CCDC91: variants seen among roughly 807,000 people sequenced by gnomAD.
CCDC91 encodes the protein coiled-coil domain-containing protein 91.
Under a neutral mutation model 63.2 loss-of-function variants are expected in CCDC91, and 48 were observed. That is an observed-to-expected ratio of 0.76 (90% CI 0.60 to 0.97). CCDC91 has a LOEUF of 0.97. Ranked by LOEUF, CCDC91 falls within the 50% of genes least tolerant of loss-of-function variation. The probability of loss-of-function intolerance (pLI) is 0.00; values close to 1 mark genes in which losing one functional copy is unlikely to be tolerated. For synonymous variants in CCDC91, 167 were observed against 165.8 expected (o/e 1.01, Z -0.06); for missense variants, 500 against 494.6 (o/e 1.01, Z -0.10).
intron 12 of CCDC91, among the ~76,000 whole-genome samples, chr12:28,507,758 A>G (rs1938912156): frequency 1.3e-5 from 2 of 152,090 alleles, no homozygotes; most frequent in South Asian, 2.1e-4. Context: ...CTTAGGTCAG[A>G]TGCCTTCAAA....
chr12:28,222,426 C>T (rs1944008928), intron 1 of CCDC91, among the ~76,000 whole-genome samples: 1 of 152,124 alleles, frequency 6.6e-6, no homozygotes, highest in South Asian at 2.1e-4. Flanking sequence ...TAAATCTTGT[C>T]ACCCTGTCTA....
At chr12:28,336,450 AGT>A (rs79266090) in intron 6 of CCDC91, among the ~76,000 whole-genome samples, 30,696 of 152,128 alleles carry the variant, frequency 0.2, 4,043 homozygotes, top group Non-Finnish European at 0.3. Flanking sequence ...CAATGGTTCC[AGT>A]GTTGTGATTT....
intron 1 of CCDC91, among the ~76,000 whole-genome samples, chr12:28,250,149 T>C (rs1015087883): frequency 6.6e-6 from 1 of 152,114 alleles, no homozygotes; most frequent in Non-Finnish European, 1.5e-5. Flanking sequence ...AGGGTAGATA[T>C]AAGGGTTTGG....
chr12:28,396,324 C>A (rs1459740253), intron 8 of CCDC91, among the ~76,000 whole-genome samples: 4 of 152,032 alleles, frequency 2.6e-5, no homozygotes, highest in African/African-American at 9.7e-5. Flanking sequence ...TCATAAAGGA[C>A]CTTACCTGCC....
At chr12:28,359,808 T>A (rs1030523411) in intron 6 of CCDC91, among the ~76,000 whole-genome samples, 4 of 151,996 alleles carry the variant, frequency 2.6e-5, no homozygotes, top group African/African-American at 9.7e-5. Context: ...TCTTGAGCAA[T>A]GAGAATAAAA....
At chr12:28,506,252 C>G (rs1938697851) in intron 12 of CCDC91, among the ~76,000 whole-genome samples, 1 of 151,850 alleles carries the variant, frequency 6.6e-6, no homozygotes, top group Admixed American at 6.6e-5. Flanking sequence ...GGTAAAGAAG[C>G]AAGACATCTT....
intron 1 of CCDC91, 83 bp from the exon 2 acceptor site, chr12:28,257,119 T>C: frequency 1.2e-6 from 1 of 804,114 alleles, no homozygotes; most frequent in Non-Finnish European, 2.1e-6. Context: ...TACAAATAAA[T>C]ATGTATACAT....
chr12:28,413,572 T>G (rs1411049922), intron 8 of CCDC91, among the ~76,000 whole-genome samples: 3 of 152,214 alleles, frequency 2.0e-5, no homozygotes, highest in Non-Finnish European at 2.9e-5. Context: ...TTATCATTTA[T>G]TTTTGAATTT....
intron 1 of CCDC91, among the ~76,000 whole-genome samples, chr12:28,229,085 A>G (rs921727210): frequency 2.6e-5 from 4 of 152,108 alleles, no homozygotes; most frequent in African/African-American, 9.7e-5. Context: ...TACCATTTTA[A>G]AGGCCACCTA....
intron 12 of CCDC91, among the ~76,000 whole-genome samples, chr12:28,535,879 T>A (rs989983417): frequency 3.3e-5 from 5 of 151,666 alleles, no homozygotes; most frequent in South Asian, 2.1e-4. Context: ...AATACAAAAA[T>A]TTAGCCGGAC....
chr12:28,379,785 C>G (rs1945176144), intron 7 of CCDC91, among the ~76,000 whole-genome samples: 1 of 152,178 alleles, frequency 6.6e-6, no homozygotes, highest in South Asian at 2.1e-4. Flanking sequence ...ACCATTTGAC[C>G]TAGCAATCCC....
chr12:28,351,163 T>A (rs983750181), intron 6 of CCDC91, among the ~76,000 whole-genome samples: 2 of 152,172 alleles, frequency 1.3e-5, no homozygotes, highest in African/African-American at 4.8e-5. Context: ...CTCAAAAGTC[T>A]CAATGTCATC....
intron 11 of CCDC91, among the ~76,000 whole-genome samples, chr12:28,482,956 A>G (rs555045562): frequency 1.3e-5 from 2 of 152,130 alleles, no homozygotes; most frequent in African/African-American, 4.8e-5. Context: ...TAATGTCTCC[A>G]GAAAATGTCC....
chr12:28,424,930 C>A (rs1230879760), intron 8 of CCDC91, among the ~76,000 whole-genome samples: 2 of 152,060 alleles, frequency 1.3e-5, no homozygotes, highest in African/African-American at 4.8e-5. Context: ...CAGAGCTTAA[C>A]ATTATATATG....
intron 1 of CCDC91, among the ~76,000 whole-genome samples, chr12:28,239,550 TG>T (rs1389668166): frequency 6.7e-6 from 1 of 149,172 alleles, no homozygotes; most frequent in Non-Finnish European, 1.5e-5. Flanking sequence ...AAAATGTTAA[TG>T]TGTGAAGTCA....
chr12:28,391,047 A>T (rs190710875), intron 7 of CCDC91, among the ~76,000 whole-genome samples: 68 of 149,132 alleles, frequency 4.6e-4, no homozygotes, highest in Admixed American at 1.2e-3. Context: ...ATCTTCTGTG[A>T]CTTGGCCTTT....
chr12:28,346,620 G>T (rs986091238), intron 6 of CCDC91, among the ~76,000 whole-genome samples: 17 of 152,044 alleles, frequency 1.1e-4, no homozygotes, highest in African/African-American at 3.4e-4. Context: ...ATATTTTAGA[G>T]AATACAAATA....
chr12:28,361,576 A>AT (rs146038101), intron 6 of CCDC91, among the ~76,000 whole-genome samples: 30,575 of 150,648 alleles, frequency 0.2, 4,041 homozygotes, highest in Non-Finnish European at 0.3. Context: ...TGTAGTCTTT[A>AT]TTTTTTTTCA....
intron 8 of CCDC91, among the ~76,000 whole-genome samples, chr12:28,423,332 G>A (rs1021796006): frequency 1.3e-5 from 2 of 152,086 alleles, no homozygotes; most frequent in African/African-American, 4.8e-5. Context: ...AATGGGGAAG[G>A]ACTTTAATAT....
Sources: gnomAD v4.1 joint callset for allele counts (sites outside exome capture counted in the v4.1 genomes callset) on GRCh38, gnomAD v4.1.1 for gene constraint, MANE v1.5 for transcripts, NCBI Gene and HGNC (gene_info 2026-07-23, HGNC 2026-07-21) for gene names.